The following EXOC4 variants were observed in gnomAD, a reference collection of about 807,000 sequenced individuals.
The protein encoded by EXOC4 is SEC8-like 1.
EXOC4 carries 71 observed loss-of-function variants against 107.2 expected under a neutral mutation model. That is an observed-to-expected ratio of 0.66 (90% CI 0.55 to 0.81). EXOC4 has a LOEUF of 0.81. Ranked by LOEUF, EXOC4 falls within the 30% of genes least tolerant of loss-of-function variation. The pLI is 0.00. For synonymous variants in EXOC4, 456 were observed against 441.2 expected, an observed-to-expected ratio of 1.03 and a Z score of -0.42; for missense variants, 1,108 against 1,189.6, an observed-to-expected ratio of 0.93 and a Z score of 1.01.
At chr7:133,255,976 TC>T (rs1769201889) in intron 1 of EXOC4, among the ~76,000 whole-genome samples, 1 of 147,576 alleles carries the variant, frequency 6.8e-6, no homozygotes, top group African/African-American at 2.5e-5. Flanking sequence ...TATTCATTAT[TC>T]CTTTTTTTTT....
intron 17 of EXOC4, among the ~76,000 whole-genome samples, chr7:134,014,030 T>A (rs916267338): frequency 1.3e-5 from 2 of 152,192 alleles, no homozygotes; most frequent in African/African-American, 2.4e-5. Flanking sequence ...CCTAGGTATA[T>A]ACACAGATAA....
At chr7:133,369,327 A>G (rs1796313228) in intron 6 of EXOC4, among the ~76,000 whole-genome samples, 1 of 151,284 alleles carries the variant, frequency 6.6e-6, no homozygotes, top group Non-Finnish European at 1.5e-5. Flanking sequence ...CTGGTGAGGG[A>G]CAACATATGA....
At chr7:133,472,831 T>G (rs996736780) in intron 7 of EXOC4, among the ~76,000 whole-genome samples, 3 of 152,062 alleles carry the variant, frequency 2.0e-5, no homozygotes, top group African/African-American at 7.2e-5. Flanking sequence ...AGGTAACAAT[T>G]AAGGGGACTT....
chr7:133,335,119 G>A (rs764134846), intron 5 of EXOC4, among the ~76,000 whole-genome samples: 4 of 152,140 alleles, frequency 2.6e-5, no homozygotes, highest in East Asian at 1.9e-4. Flanking sequence ...GAGGTGTATC[G>A]TTAAATTTCT....
chr7:133,709,818 T>G (rs1328540272), intron 10 of EXOC4, among the ~76,000 whole-genome samples: 1 of 152,120 alleles, frequency 6.6e-6, no homozygotes, highest in Non-Finnish European at 1.5e-5. Context: ...GGGATAGCAA[T>G]AGAACCTACT....
chr7:133,590,627 T>C (rs181108007), intron 9 of EXOC4, among the ~76,000 whole-genome samples: 1 of 152,230 alleles, frequency 6.6e-6, no homozygotes, highest in African/African-American at 2.4e-5. Flanking sequence ...GCAGCTTGAC[T>C]TCAGAGGGAC....
In EXOC4 at chr7:134,012,244, T is replaced by C. The variant is rs140783541; in HGVS notation, c.2687+4409T>C. On this transcript the variant is annotated intron_variant, in intron 17 of 17. Coordinates refer to ENST00000253861, the MANE Select transcript of EXOC4 (RefSeq NM_021807.4). ...TTGAAACTAACATCACAGTTGTTAG[T>C]TGGGGAGGGGAGGTTGTAGGCAAAG... Among the ~76,000 whole-genome samples the C allele has an allele frequency of 1.8e-4, 27 of 151,688 alleles. No individual in the cohort carries two copies. The East Asian group carries it at 2.0e-3, about 11-fold the overall frequency.
chr7:133,402,382 T>G (rs1475375570), intron 7 of EXOC4, among the ~76,000 whole-genome samples: 1 of 152,250 alleles, frequency 6.6e-6, no homozygotes, highest in African/African-American at 2.4e-5. Flanking sequence ...GTCTCCTAAT[T>G]CGGTGCTTCT....
chr7:133,425,319 G>A (rs1334442597), intron 7 of EXOC4, among the ~76,000 whole-genome samples: 3 of 152,070 alleles, frequency 2.0e-5, no homozygotes, highest in Non-Finnish European at 4.4e-5. Flanking sequence ...ATGGAGTCTC[G>A]CTCTGTCACC....
chr7:133,480,251 G>A (rs1377595711), intron 9 of EXOC4, 113 bp downstream of exon 9: 2 of 1,521,332 alleles, frequency 1.3e-6, no homozygotes, highest in East Asian at 2.4e-5. Context: ...CAAACACTTA[G>A]TGACTTAATA....
chr7:133,549,809 C>T (rs1389553757), intron 9 of EXOC4, among the ~76,000 whole-genome samples: 4 of 152,190 alleles, frequency 2.6e-5, no homozygotes, highest in Non-Finnish European at 4.4e-5. Flanking sequence ...AAATCTGGAA[C>T]ATGACTTTAA....
At chr7:134,071,064 A>G (rs949686126), downstream of EXOC4, among the ~76,000 whole-genome samples, 4 of 152,174 alleles carry the variant, frequency 2.6e-5, no homozygotes, top group African/African-American at 4.8e-5. Context: ...GATTGCTACT[A>G]CGTTATTCTA....
At chr7:133,732,711 G>C (rs1795354046) in intron 10 of EXOC4, 1 of 154,860 alleles carries the variant, frequency 6.5e-6, no homozygotes, top group Admixed American at 6.5e-5. Flanking sequence ...TTGCAATGCT[G>C]TCCGAAGTCA....
At chr7:133,692,901 A>T (rs141159221) in intron 10 of EXOC4, among the ~76,000 whole-genome samples, 2 of 152,116 alleles carry the variant, frequency 1.3e-5, no homozygotes, top group Non-Finnish European at 2.9e-5. Flanking sequence ...AGCGCTTCAC[A>T]TGTTATTTTA....
At chr7:133,330,389 G>A (rs1171164560) in intron 5 of EXOC4, among the ~76,000 whole-genome samples, 1 of 151,984 alleles carries the variant, frequency 6.6e-6, no homozygotes, top group African/African-American at 2.4e-5. Context: ...CACTGAGCCA[G>A]AACTTCGCTC....
chr7:133,651,723 C>T (rs143907258), intron 10 of EXOC4, among the ~76,000 whole-genome samples: 4,952 of 152,198 alleles, frequency 0.033, 205 homozygotes, highest in Admixed American at 0.089. Context: ...CTTGCTCTGT[C>T]GCCCAAGCTA....
chr7:133,415,764 A>G (rs1367126957), intron 7 of EXOC4, among the ~76,000 whole-genome samples: 3 of 152,188 alleles, frequency 2.0e-5, no homozygotes, highest in Non-Finnish European at 2.9e-5. Context: ...TAGCTGTTAT[A>G]TTATTTTCTA....
At chr7:133,921,415 C>T (rs893293740) in intron 13 of EXOC4, among the ~76,000 whole-genome samples, 2 of 152,200 alleles carry the variant, frequency 1.3e-5, no homozygotes, top group East Asian at 3.8e-4. Context: ...AACCAGTTAT[C>T]TGAGCATCTC....
At chr7:133,772,544 TA>T (rs1796266292) in intron 10 of EXOC4, among the ~76,000 whole-genome samples, 1 of 150,514 alleles carries the variant, frequency 6.6e-6, no homozygotes. Context: ...AAAAAAACCT[TA>T]AATTTGAATA....
Sources: gnomAD v4.1 joint callset for allele counts (sites outside exome capture counted in the v4.1 genomes callset) on GRCh38, gnomAD v4.1.1 for gene constraint, MANE v1.5 for transcripts, NCBI Gene and HGNC (gene_info 2026-07-23, HGNC 2026-07-21) for gene names.